Variants in XPO6 observed in about 807,000 individuals in gnomAD.
The protein encoded by XPO6 is exportin-6.
XPO6 carries 3 observed loss-of-function variants against 130.0 expected under a neutral mutation model. That is an observed-to-expected ratio of 0.02 (90% CI 0.01 to 0.06). The LOEUF (loss-of-function observed/expected upper bound fraction) is 0.06. Ranked by LOEUF, XPO6 falls within the 10% of genes least tolerant of loss-of-function variation. XPO6 has a pLI of 1.00. For synonymous variants in XPO6, 524 were observed against 548.9 expected (o/e 0.95, Z 0.63); for missense variants, 970 against 1,393.0 (o/e 0.70, Z 4.83).
At chr16:28,105,183 C>T (rs1025605927) in intron 20 of XPO6, among the ~76,000 whole-genome samples, 15 of 152,188 alleles carry the variant, frequency 9.9e-5, no homozygotes, top group Non-Finnish European at 1.6e-4. Context: ...ACAGACCCAA[C>T]GCCTTAAAGC....
intron 4 of XPO6, among the ~76,000 whole-genome samples, chr16:28,174,676 G>A (rs1246782217): frequency 6.6e-6 from 1 of 152,172 alleles, no homozygotes; most frequent in Non-Finnish European, 1.5e-5. Context: ...AAGCACTTTG[G>A]ATGCTGAATT....
intron 7 of XPO6, chr16:28,154,037 A>C: frequency 1.0e-6 from 1 of 985,354 alleles, no homozygotes; most frequent in Non-Finnish European, 1.2e-6. Flanking sequence ...TCATGGGGCC[A>C]AGTACTCGAA....
chr16:28,137,232 T>C (rs1339108441), intron 9 of XPO6, among the ~76,000 whole-genome samples: 1 of 152,232 alleles, frequency 6.6e-6, no homozygotes, highest in Non-Finnish European at 1.5e-5. Context: ...TCTTCAGAGA[T>C]CTGAACCCTA....
chr16:28,211,256 G>C (rs2141926343), intron 1 of XPO6, 110 bp downstream of exon 1: 1 of 1,169,284 alleles, frequency 8.6e-7, no homozygotes, highest in Non-Finnish European at 1.1e-6. Flanking sequence ...GGCTCCGCAC[G>C]CGCCTCTCCC....
chr16:28,156,005 G>T (rs1431547298), intron 7 of XPO6, 69 bp downstream of exon 7: 11 of 1,527,328 alleles, frequency 7.2e-6, no homozygotes, highest in Non-Finnish European at 9.7e-6. Flanking sequence ...CAGATGCCAT[G>T]CAGCACAGCA....
chr16:28,153,493 CTCTT>C lies in XPO6; in HGVS notation c.1098-712_1098-709del, dbSNP rs992891339. ...ACTATCATCCACTCCCAATCCAGTG[CTCTT>C]TCTTTTCACTTCACAGTGAATCCCC... On this transcript the variant is annotated intron_variant, in intron 7 of 23. Transcript: ENST00000304658. 31 of 985,300 alleles carry C rather than the reference CTCTT, an allele frequency of 3.1e-5. No individual in the cohort carries two copies. The African/African-American group carries it at 5.4e-4, about 17-fold the overall frequency. 61.0% of individuals were successfully genotyped at this position (985,300 alleles called of 1,614,324 possible). A position where few individuals can be genotyped will look rare whatever the true frequency, so the allele number is the denominator to read the frequency against.
At chr16:28,135,612 C>T (rs2042760386) in intron 9 of XPO6, among the ~76,000 whole-genome samples, 1 of 152,126 alleles carries the variant, frequency 6.6e-6, no homozygotes, top group Non-Finnish European at 1.5e-5. Context: ...TATATTTTGT[C>T]TCCTATTAGT....
chr16:28,099,004 TGAA>T (rs2141221592), intron 23 of XPO6, among the ~76,000 whole-genome samples: 1 of 152,172 alleles, frequency 6.6e-6, no homozygotes, highest in Non-Finnish European at 1.5e-5. Flanking sequence ...CAGCTCACAC[TGAA>T]GAGACCAGCA....
intron 6 of XPO6, among the ~76,000 whole-genome samples, chr16:28,161,531 A>G (rs2043278375): frequency 2.0e-5 from 3 of 152,164 alleles, no homozygotes; most frequent in Admixed American, 1.3e-4. Context: ...TGTCCCTAGC[A>G]TGTGGCTCAG....
At chr16:28,122,003 T>A in intron 13 of XPO6, among the ~76,000 whole-genome samples, 1 of 151,180 alleles carries the variant, frequency 6.6e-6, no homozygotes, top group East Asian at 1.9e-4. Context: ...ACAATATAAA[T>A]ATCCAACCCA....
At chr16:28,187,107 T>G (rs1315337312) in intron 1 of XPO6, among the ~76,000 whole-genome samples, 1 of 152,086 alleles carries the variant, frequency 6.6e-6, no homozygotes, top group Non-Finnish European at 1.5e-5. Flanking sequence ...AGGGGTGATT[T>G]GGGTTTTGAA....
chr16:28,152,456 C>A (rs969591355), intron 8 of XPO6, among the ~76,000 whole-genome samples: 1 of 152,202 alleles, frequency 6.6e-6, no homozygotes, highest in Non-Finnish European at 1.5e-5. Context: ...GTGCCTCAGT[C>A]TCTTTACCTG....
At chr16:28,161,453 A>G (rs1175493458) in intron 6 of XPO6, among the ~76,000 whole-genome samples, 1 of 152,158 alleles carries the variant, frequency 6.6e-6, no homozygotes, top group Non-Finnish European at 1.5e-5. Flanking sequence ...TTTAAGTTCT[A>G]TTCTTAAAAG....
At chr16:28,172,036 T>C (rs961441949) in intron 4 of XPO6, among the ~76,000 whole-genome samples, 5 of 152,148 alleles carry the variant, frequency 3.3e-5, no homozygotes, top group African/African-American at 1.2e-4. Flanking sequence ...AAATATGAAA[T>C]GCTGTGCTTC....
chr16:28,199,001 G>T (rs777107316), intron 1 of XPO6, among the ~76,000 whole-genome samples: 1 of 151,966 alleles, frequency 6.6e-6, no homozygotes. Flanking sequence ...AAAATTAGCC[G>T]GGCGTGGTGT....
intron 17 of XPO6, among the ~76,000 whole-genome samples, chr16:28,108,934 C>A (rs2086849230): frequency 6.6e-6 from 1 of 152,182 alleles, no homozygotes; most frequent in Non-Finnish European, 1.5e-5. Context: ...TGGTCCTGGT[C>A]CCCCAGTCAC....
rs527336629 is a variant in XPO6, at chr16:28,176,658, C to T, written c.207+562G>A. On this transcript the variant is annotated intron_variant, in intron 3 of 23. Transcript: ENST00000304658. ...GACTACAGGCACCCGCCACCACGCC[C>T]GGCTAATTTTTTTTTTTTTTTTTGC... is the stretch of plus-strand genomic sequence containing the variant. Among the ~76,000 whole-genome samples the T allele has an allele frequency of 4.0e-4, 61 of 151,478 alleles. 1 individual carries two copies. In the East Asian group the frequency reaches 7.8e-3, roughly 19 times the overall value.
At chr16:28,153,162 G>A in intron 7 of XPO6, 1 of 1,014,200 alleles carries the variant, frequency 9.9e-7, no homozygotes, top group Non-Finnish European at 1.2e-6. Flanking sequence ...TTTCCGGGAG[G>A]CCAAAATACT....
intron 15 of XPO6, among the ~76,000 whole-genome samples, chr16:28,113,746 G>A (rs1323031641): frequency 6.6e-6 from 1 of 151,694 alleles, no homozygotes; most frequent in Non-Finnish European, 1.5e-5. Flanking sequence ...TACCTAAAAG[G>A]GTAAAGCTAC....
Sources: gnomAD v4.1 joint callset for allele counts (sites outside exome capture counted in the v4.1 genomes callset) on GRCh38, gnomAD v4.1.1 for gene constraint, MANE v1.5 for transcripts, NCBI Gene and HGNC (gene_info 2026-07-23, HGNC 2026-07-21) for gene names.